Variants in OPCML observed in about 807,000 individuals in gnomAD.
The protein encoded by OPCML is opioid binding protein/cell adhesion molecule like.
OPCML carries 13 observed loss-of-function variants against 37.8 expected under a neutral mutation model. The observed-to-expected ratio is 0.34, with a 90% CI of 0.22 to 0.55. The LOEUF is 0.55. OPCML is among the 20% of genes least tolerant of loss of function. The pLI is 0.91. For synonymous variants in OPCML, 176 were observed against 168.8 expected, an observed-to-expected ratio of 1.04 and a Z score of -0.33; for missense variants, 341 against 435.6, an observed-to-expected ratio of 0.78 and a Z score of 1.93.
chr11:132,636,585 C>T (rs1940516050), intron 3 of OPCML, among the ~76,000 whole-genome samples: 1 of 152,112 alleles, frequency 6.6e-6, no homozygotes, highest in South Asian at 2.1e-4. Context: ...TCTGGCTTTT[C>T]TCGGAAAAGA....
chr11:132,863,974 G>A (rs1263400741), intron 2 of OPCML, among the ~76,000 whole-genome samples: 1 of 152,078 alleles, frequency 6.6e-6, no homozygotes, highest in Non-Finnish European at 1.5e-5. Context: ...GTTTCATGCT[G>A]TCGCCCAGGC....
chr11:132,624,460 C>T (rs1591638709), intron 3 of OPCML, among the ~76,000 whole-genome samples: 1 of 152,316 alleles, frequency 6.6e-6, no homozygotes, highest in Admixed American at 6.5e-5. Context: ...TGTGATATCA[C>T]GCACCTCATA....
intron 1 of OPCML, among the ~76,000 whole-genome samples, chr11:133,238,871 G>T (rs1181944344): frequency 6.6e-6 from 1 of 152,174 alleles, no homozygotes; most frequent in Admixed American, 6.5e-5. Flanking sequence ...GTACTTCTGT[G>T]GGCCTTTCAT....
At chr11:132,577,737 TG>T (rs1387439285) in intron 3 of OPCML, among the ~76,000 whole-genome samples, 18 of 152,242 alleles carry the variant, frequency 1.2e-4, no homozygotes, top group Non-Finnish European at 1.6e-4. Context: ...CTTTTCAGAC[TG>T]TAATTAATAA....
chr11:133,159,216 AC>A (rs1195464855), intron 1 of OPCML, among the ~76,000 whole-genome samples: 1 of 152,172 alleles, frequency 6.6e-6, no homozygotes, highest in African/African-American at 2.4e-5. Flanking sequence ...CTGCATCCCG[AC>A]AAGCATTTCT....
intron 1 of OPCML, among the ~76,000 whole-genome samples, chr11:133,322,955 T>C (rs951088667): frequency 6.6e-6 from 1 of 152,218 alleles, no homozygotes. Context: ...GCACAAGACC[T>C]GGTATATACA....
intron 1 of OPCML, among the ~76,000 whole-genome samples, chr11:132,998,719 C>T (rs1031079096): frequency 6.6e-6 from 1 of 152,058 alleles, no homozygotes; most frequent in Non-Finnish European, 1.5e-5. Flanking sequence ...GGATGGAGCC[C>T]TCATGAATGG....
chr11:132,900,867 C>T (rs1189867366), intron 2 of OPCML, among the ~76,000 whole-genome samples: 1 of 152,172 alleles, frequency 6.6e-6, no homozygotes, highest in East Asian at 1.9e-4. Flanking sequence ...AGCGCCCTTG[C>T]CATCTCACTT....
chr11:133,309,562 C>T (rs1024875899), intron 1 of OPCML, among the ~76,000 whole-genome samples: 3 of 152,174 alleles, frequency 2.0e-5, no homozygotes, highest in African/African-American at 7.2e-5. Flanking sequence ...GAAAACAGAA[C>T]TGAACATGGC....
Position 132,758,252 on chromosome 11 carries a change from T to C in OPCML, c.147-100933A>G, listed in dbSNP as rs1030849588. ...TCAGGTAACGTGATGCCTCCAACTT[T>C]GTTCTTTTTGCTTAGGATTGTCTTG... On this transcript the variant is annotated intron_variant, in intron 2 of 7. Transcript: ENST00000524381. 7.2e-5 allele frequency among the ~76,000 whole-genome samples: 11 copies of C among 152,342 alleles called. No individual in the cohort carries two copies. The South Asian group carries it at 1.4e-3, about 20-fold the overall frequency.
chr11:133,042,041 G>A (rs538171568), intron 1 of OPCML, among the ~76,000 whole-genome samples: 1 of 152,080 alleles, frequency 6.6e-6, no homozygotes, highest in African/African-American at 2.4e-5. Context: ...GTGCAGAGCT[G>A]GGGGGTGGGG....
At chr11:132,684,409 A>G (rs1943079463) in intron 2 of OPCML, among the ~76,000 whole-genome samples, 1 of 152,148 alleles carries the variant, frequency 6.6e-6, no homozygotes, top group African/African-American at 2.4e-5. Flanking sequence ...CTCATGCTTC[A>G]CCCCTAATTC....
intron 1 of OPCML, among the ~76,000 whole-genome samples, chr11:132,968,059 C>T (rs1238559799): frequency 3.9e-5 from 6 of 152,114 alleles, no homozygotes; most frequent in East Asian, 1.9e-4. Flanking sequence ...TTGTACATTC[C>T]GTGGATTTGA....
chr11:133,277,057 T>C (rs539646825), intron 1 of OPCML, among the ~76,000 whole-genome samples: 2 of 152,318 alleles, frequency 1.3e-5, no homozygotes, highest in Admixed American at 1.3e-4. Flanking sequence ...CTTGCATCCT[T>C]AATTTTGTTT....
chr11:133,351,123 T>C (rs1944127391), intron 1 of OPCML, among the ~76,000 whole-genome samples: 1 of 152,240 alleles, frequency 6.6e-6, no homozygotes, highest in Non-Finnish European at 1.5e-5. Flanking sequence ...AAAATTGGCT[T>C]TCCCGCGATT....
intron 3 of OPCML, among the ~76,000 whole-genome samples, chr11:132,594,695 T>C (rs1486564320): frequency 6.6e-6 from 1 of 152,208 alleles, no homozygotes; most frequent in Admixed American, 6.5e-5. Flanking sequence ...GAAAGTCTAT[T>C]GGCCAAGGGT....
chr11:133,074,884 C>T (rs181808230), intron 1 of OPCML, among the ~76,000 whole-genome samples: 2 of 152,204 alleles, frequency 1.3e-5, no homozygotes, highest in East Asian at 1.9e-4. Flanking sequence ...AAAAGTTGCC[C>T]GTAATGAGAA....
intron 2 of OPCML, among the ~76,000 whole-genome samples, chr11:132,786,594 C>G (rs577744836): frequency 3.9e-5 from 6 of 152,066 alleles, no homozygotes; most frequent in African/African-American, 1.4e-4. Context: ...TTTTGAAGGA[C>G]TTTGAGATAA....
At chr11:132,479,504 G>C (rs1192533681) in intron 4 of OPCML, among the ~76,000 whole-genome samples, 2 of 152,200 alleles carry the variant, frequency 1.3e-5, no homozygotes. Flanking sequence ...CAGAAAGCTC[G>C]AACTGGGTGG....
Sources: gnomAD v4.1 joint callset for allele counts (sites outside exome capture counted in the v4.1 genomes callset) on GRCh38, gnomAD v4.1.1 for gene constraint, MANE v1.5 for transcripts, NCBI Gene and HGNC (gene_info 2026-07-23, HGNC 2026-07-21) for gene names.